FGF12: variants seen among roughly 807,000 people sequenced by gnomAD.
FGF12 encodes fibroblast growth factor 12B.
A neutral mutation model predicts 23.6 loss-of-function variants in FGF12; 14 were observed. The observed-to-expected ratio is 0.59, with a 90% confidence interval of 0.39 to 0.93. The LOEUF (loss-of-function observed/expected upper bound fraction) is 0.93, where lower values mean the gene tolerates loss of function less well. Among genes scored for constraint, FGF12 ranks in the 40% least tolerant of loss-of-function variants. The pLI is 0.00. For synonymous variants in FGF12, 62 were observed against 77.3 expected, an observed-to-expected ratio of 0.80 and a Z score of 1.04; for missense variants, 175 against 217.8, an observed-to-expected ratio of 0.80 and a Z score of 1.24.
At chr3:192,677,504 T>C (rs1717369827) in intron 2 of FGF12, among the ~76,000 whole-genome samples, 1 of 152,212 alleles carries the variant, frequency 6.6e-6, no homozygotes, top group South Asian at 2.1e-4. Context: ...TGTTTCAATA[T>C]GAATATTTTC....
chr3:192,157,663 T>C (rs1714499341), intron 5 of FGF12, among the ~76,000 whole-genome samples: 1 of 152,190 alleles, frequency 6.6e-6, no homozygotes, highest in South Asian at 2.1e-4. Flanking sequence ...AACTTCTATT[T>C]TAGTTATAAA....
chr3:192,367,004 G>A (rs1719015601), intron 2 of FGF12, among the ~76,000 whole-genome samples: 1 of 152,132 alleles, frequency 6.6e-6, no homozygotes. Context: ...TTCTATCACT[G>A]GACATAACCA....
intron 4 of FGF12, among the ~76,000 whole-genome samples, chr3:192,332,105 A>G (rs1311064079): frequency 6.6e-6 from 1 of 152,156 alleles, no homozygotes; most frequent in African/African-American, 2.4e-5. Flanking sequence ...TAATTTAACG[A>G]TTAGCTATAA....
At chr3:192,180,233 A>C (rs1336053107) in intron 4 of FGF12, among the ~76,000 whole-genome samples, 1 of 152,176 alleles carries the variant, frequency 6.6e-6, no homozygotes, top group Non-Finnish European at 1.5e-5. Flanking sequence ...ATACCACTGG[A>C]CTCAGCCTCT....
chr3:192,525,802 G>A (rs1406743696), intron 2 of FGF12, among the ~76,000 whole-genome samples: 1 of 152,138 alleles, frequency 6.6e-6, no homozygotes, highest in Non-Finnish European at 1.5e-5. Flanking sequence ...TTGAGTCGGA[G>A]TCTCACTCTG....
intron 2 of FGF12, among the ~76,000 whole-genome samples, chr3:192,440,142 A>C (rs79433737): frequency 0.021 from 3,218 of 152,030 alleles, 108 homozygotes; most frequent in African/African-American, 0.072. Context: ...AAAGAGTGTA[A>C]AGGATAAGAG....
At chr3:192,334,501 C>G (rs984134608) in intron 4 of FGF12, among the ~76,000 whole-genome samples, 1 of 152,092 alleles carries the variant, frequency 6.6e-6, no homozygotes, top group Non-Finnish European at 1.5e-5. Flanking sequence ...ATAGCCAACT[C>G]TCTTACAAGA....
intron 2 of FGF12, among the ~76,000 whole-genome samples, chr3:192,540,013 AT>A (rs369914523): frequency 2.6e-5 from 4 of 151,568 alleles, no homozygotes; most frequent in Admixed American, 6.6e-5. Flanking sequence ...TTCACCTCTG[AT>A]TTTTTTGGGG....
At chr3:192,352,796 G>T (rs1467904864) in intron 3 of FGF12, among the ~76,000 whole-genome samples, 1 of 152,130 alleles carries the variant, frequency 6.6e-6, no homozygotes, top group Non-Finnish European at 1.5e-5. Context: ...ACAGAGAGGG[G>T]TTAAATAACT....
At chr3:192,432,633 AAAAAAAAAAG>A (rs1184527066) in intron 2 of FGF12, among the ~76,000 whole-genome samples, 1 of 151,410 alleles carries the variant, frequency 6.6e-6, no homozygotes, top group East Asian at 1.9e-4. Context: ...AAAAAAAAAA[AAAAAAAAAAG>A]AAAGAAAGAA....
At chr3:192,329,980 T>C (rs1047187623) in intron 4 of FGF12, among the ~76,000 whole-genome samples, 2 of 152,194 alleles carry the variant, frequency 1.3e-5, no homozygotes, top group Non-Finnish European at 2.9e-5. Context: ...TTTTTAAATG[T>C]TATTTAATAC....
chr3:192,227,432 C>A (rs1718791955), intron 4 of FGF12, among the ~76,000 whole-genome samples: 1 of 151,946 alleles, frequency 6.6e-6, no homozygotes, highest in Admixed American at 6.6e-5. Context: ...GACCATTAAG[C>A]AGTCAATATC....
chr3:192,684,599 T>C (rs59529020), intron 2 of FGF12, among the ~76,000 whole-genome samples: 13,901 of 152,214 alleles, frequency 0.091, 675 homozygotes, highest in Non-Finnish European at 0.11. Flanking sequence ...TATTTTTCAG[T>C]TTCAGCTTAC....
intron 4 of FGF12, among the ~76,000 whole-genome samples, chr3:192,296,475 T>C (rs1335680480): frequency 2.0e-5 from 3 of 152,134 alleles, no homozygotes; most frequent in Admixed American, 6.6e-5. Flanking sequence ...AGCCCCGCCT[T>C]GGCCTCTAAA....
intron 4 of FGF12, among the ~76,000 whole-genome samples, chr3:192,242,632 T>C (rs1214524885): frequency 6.6e-6 from 1 of 152,070 alleles, no homozygotes; most frequent in African/African-American, 2.4e-5. Context: ...TAATATTATA[T>C]TAAAGTAAAA....
intron 2 of FGF12, among the ~76,000 whole-genome samples, chr3:192,654,534 T>C (rs746730484): frequency 4.6e-5 from 7 of 152,226 alleles, no homozygotes; most frequent in African/African-American, 9.6e-5. Context: ...TCTGGTATCT[T>C]GCCACAGATG....
intron 2 of FGF12, among the ~76,000 whole-genome samples, chr3:192,717,224 A>T (rs1353132627): frequency 1.3e-5 from 2 of 152,300 alleles, no homozygotes; most frequent in Admixed American, 1.3e-4. Flanking sequence ...TTGGGTGTTA[A>T]GTAGTGGTTA....
intron 2 of FGF12, among the ~76,000 whole-genome samples, chr3:192,530,301 C>T (rs1725054546): frequency 6.6e-6 from 1 of 152,060 alleles, no homozygotes; most frequent in Admixed American, 6.6e-5. Context: ...TTCATGTGTA[C>T]AATAGAGTGA....
chr3:192,356,267 C>T (rs543628546), intron 3 of FGF12, among the ~76,000 whole-genome samples: 2 of 152,268 alleles, frequency 1.3e-5, no homozygotes, highest in South Asian at 4.2e-4. Context: ...TCAGTATCTC[C>T]AGTCTTTCCA....
Sources: allele counts gnomAD v4.1 joint callset (sites outside exome capture counted in the v4.1 genomes callset), GRCh38; gene constraint gnomAD v4.1.1; transcripts MANE v1.5; gene names NCBI Gene and HGNC (gene_info 2026-07-23, HGNC 2026-07-21).